The following FNDC3B variants were observed in gnomAD, a reference collection of about 807,000 sequenced individuals.
FNDC3B encodes the protein fibronectin type III domain-containing protein 3B.
In FNDC3B, 12 loss-of-function variants were observed where a neutral mutation model predicts 151.5. The observed-to-expected ratio is 0.08, with a 90% confidence interval of 0.05 to 0.13. The LOEUF is 0.13. FNDC3B is among the 10% of genes least tolerant of loss of function. The pLI is 1.00. For synonymous variants in FNDC3B, 528 were observed against 549.0 expected, an observed-to-expected ratio of 0.96 and a Z score of 0.54; for missense variants, 1,214 against 1,505.3, an observed-to-expected ratio of 0.81 and a Z score of 3.20.
intron 1 of FNDC3B, among the ~76,000 whole-genome samples, chr3:172,110,054 T>TA (rs1719881892): frequency 6.6e-6 from 1 of 152,306 alleles, no homozygotes; most frequent in Admixed American, 6.5e-5. Flanking sequence ...CACCTGTGCT[T>TA]AAGGGTGCTA....
chr3:172,261,807 A>T (rs986801535), intron 6 of FNDC3B, among the ~76,000 whole-genome samples: 7 of 152,014 alleles, frequency 4.6e-5, no homozygotes, highest in Non-Finnish European at 7.4e-5. Context: ...ACATTTCCTC[A>T]TTTTTCTCTG....
intron 1 of FNDC3B, among the ~76,000 whole-genome samples, chr3:172,098,915 A>T (rs1009544476): frequency 6.6e-6 from 1 of 152,160 alleles, no homozygotes; most frequent in Non-Finnish European, 1.5e-5. Flanking sequence ...CCTATTGTGG[A>T]GTCCTCGGTT....
chr3:172,371,448 A>G (rs1295297076), intron 23 of FNDC3B, among the ~76,000 whole-genome samples: 2 of 152,282 alleles, frequency 1.3e-5, no homozygotes, highest in East Asian at 3.9e-4. Context: ...TAAATCACCA[A>G]CATTAAAACT....
chr3:172,356,114 G>A (rs1734083645), intron 22 of FNDC3B, among the ~76,000 whole-genome samples: 1 of 151,472 alleles, frequency 6.6e-6, no homozygotes, highest in Admixed American at 6.6e-5. Flanking sequence ...CTTACTATAT[G>A]GTAAGCACTA....
At chr3:172,277,137 T>C (rs1026031699) in intron 6 of FNDC3B, among the ~76,000 whole-genome samples, 1 of 151,848 alleles carries the variant, frequency 6.6e-6, no homozygotes, top group Non-Finnish European at 1.5e-5. Flanking sequence ...TGAAAAAACG[T>C]GTGTGTGTGT....
intron 19 of FNDC3B, among the ~76,000 whole-genome samples, chr3:172,345,090 T>C (rs1733537021): frequency 1.3e-5 from 2 of 152,234 alleles, no homozygotes; most frequent in African/African-American, 4.8e-5. Flanking sequence ...AGTGACTTTT[T>C]GTTTTAAGTG....
intron 3 of FNDC3B, among the ~76,000 whole-genome samples, chr3:172,171,671 T>A (rs1463862267): frequency 6.6e-6 from 1 of 150,468 alleles, no homozygotes; most frequent in Non-Finnish European, 1.5e-5. Flanking sequence ...TCTTTACAGC[T>A]GAGCAAAAAC....
intron 4 of FNDC3B, among the ~76,000 whole-genome samples, chr3:172,236,117 T>C (rs1001463903): frequency 2.0e-5 from 3 of 152,282 alleles, no homozygotes; most frequent in Non-Finnish European, 2.9e-5. Context: ...GAAATAATTA[T>C]TTGATCCATT....
chr3:172,227,704 C>A (rs369262310), intron 4 of FNDC3B, among the ~76,000 whole-genome samples: 278 of 152,122 alleles, frequency 1.8e-3, no homozygotes, highest in Middle Eastern at 6.8e-3. Flanking sequence ...GTCTTTCTGC[C>A]TTTTTTGTTC....
At chr3:172,047,032 C>T (rs972235157) in intron 1 of FNDC3B, 1 of 152,096 alleles carries the variant, frequency 6.6e-6, no homozygotes, top group Non-Finnish European at 1.5e-5. Flanking sequence ...TTTAAGGCTT[C>T]TAAATTATAT....
chr3:172,392,197 C>T (rs754712758), intron 25 of FNDC3B, among the ~76,000 whole-genome samples: 7 of 152,110 alleles, frequency 4.6e-5, no homozygotes, highest in Non-Finnish European at 8.8e-5. Context: ...CTCTCAGGAC[C>T]GTAAGGGGTT....
intron 1 of FNDC3B, among the ~76,000 whole-genome samples, chr3:172,051,666 C>G (rs1716660484): frequency 2.0e-5 from 3 of 152,104 alleles, no homozygotes; most frequent in Admixed American, 2.0e-4. Flanking sequence ...AACCTACTGT[C>G]TTTGGAACAT....
chr3:172,240,405 TCTAC>T (rs1397322372), intron 4 of FNDC3B, among the ~76,000 whole-genome samples: 1 of 152,230 alleles, frequency 6.6e-6, no homozygotes, highest in Non-Finnish European at 1.5e-5. Context: ...GAACTTGAAC[TCTAC>T]CTAACTCCTT....
In FNDC3B at chr3:172,181,468, CCGT is replaced by C. The variant is rs1723902194; in HGVS notation, c.188-45401_188-45399del. The stretch of plus-strand genomic sequence containing the variant: ...TCTTGTGGTCAAGTAGAATGTTGGC[CCGT>C]CTTCTTCAAAGACAGCCTTTCTCTC... On this transcript the variant is annotated intron_variant, in intron 3 of 25. Coordinates refer to ENST00000415807, the MANE Select transcript of FNDC3B (RefSeq NM_022763.4). Among the ~76,000 whole-genome samples the C allele has an allele frequency of 2.0e-5, 3 of 151,136 alleles. No homozygotes were observed. The South Asian group carries it at 6.3e-4, about 32-fold the overall frequency.
chr3:172,130,251 T>A (rs1721004086), intron 2 of FNDC3B, among the ~76,000 whole-genome samples: 1 of 152,328 alleles, frequency 6.6e-6, no homozygotes, highest in African/African-American at 2.4e-5. Context: ...TGCTTTCTTT[T>A]AAAATACCTC....
At chr3:172,392,810 C>CTTTTTTTTTTTTTT (rs1167627679) in intron 25 of FNDC3B, among the ~76,000 whole-genome samples, 3 of 99,872 alleles carry the variant, frequency 3.0e-5, no homozygotes, top group Non-Finnish European at 3.7e-5. Flanking sequence ...TTTTTTTTTT[C>CTTTTTTTTTTTTTT]TTTTTTTTTT....
chr3:172,111,903 G>C (rs571713200), intron 1 of FNDC3B, among the ~76,000 whole-genome samples: 1 of 152,086 alleles, frequency 6.6e-6, no homozygotes, highest in Admixed American at 6.5e-5. Context: ...GTGTGAGAGC[G>C]TGTGTGTGTA....
intron 1 of FNDC3B, among the ~76,000 whole-genome samples, chr3:172,053,254 G>A (rs1280057099): frequency 6.6e-6 from 1 of 152,094 alleles, no homozygotes; most frequent in Non-Finnish European, 1.5e-5. Flanking sequence ...GTGAATCAAA[G>A]ATGAGAAGGC....
chr3:172,234,128 C>A (rs1243162338), intron 4 of FNDC3B, among the ~76,000 whole-genome samples: 1 of 152,112 alleles, frequency 6.6e-6, no homozygotes, highest in Non-Finnish European at 1.5e-5. Flanking sequence ...TCCTTTGTTT[C>A]TGTGATCCCG....
Sources: gnomAD v4.1 joint callset for allele counts (sites outside exome capture counted in the v4.1 genomes callset) on GRCh38, gnomAD v4.1.1 for gene constraint, MANE v1.5 for transcripts, NCBI Gene and HGNC (gene_info 2026-07-23, HGNC 2026-07-21) for gene names.